KPNA4: variants seen among roughly 807,000 people sequenced by gnomAD.
KPNA4 encodes the protein importin subunit alpha-3.
KPNA4 carries 13 observed loss-of-function variants against 71.3 expected under a neutral mutation model. That is an observed-to-expected ratio of 0.18 (90% confidence interval 0.12 to 0.29). The LOEUF is 0.29. Among genes scored for constraint, KPNA4 ranks in the 10% least tolerant of loss-of-function variants. The pLI is 1.00. For synonymous variants in KPNA4, 189 were observed against 195.2 expected (o/e 0.97, Z 0.26); for missense variants, 334 against 603.2 (o/e 0.55, Z 4.67).
At chr3:160,520,640 C>CT (rs1721327341) in intron 11 of KPNA4, among the ~76,000 whole-genome samples, 1 of 152,074 alleles carries the variant, frequency 6.6e-6, no homozygotes, top group Non-Finnish European at 1.5e-5. Flanking sequence ...GGTCTCTAAT[C>CT]TGACTATGTA....
intron 1 of KPNA4, among the ~76,000 whole-genome samples, chr3:160,554,103 A>G (rs554959450): frequency 6.6e-6 from 1 of 152,352 alleles, no homozygotes; most frequent in East Asian, 1.9e-4. Flanking sequence ...AGTGAAAAAG[A>G]GCTGCTTAGA....
At position 160,515,776 on chromosome 3, in the gene KPNA4, G is replaced by A. The variant is rs377338059; in HGVS notation, c.904-196C>T. Among the ~76,000 whole-genome samples, 341 of 151,984 alleles carry A rather than the reference G, an allele frequency of 2.2e-3. 1 individual carries two copies. Among genetic ancestry groups the A allele is most frequent in the African/African-American group, 7.6e-3 (316 of 41,448 alleles). ...ACTATAGCAGTGCACGACCCTGTCC[G>A]GCTAATTTTTGTATTTTTTGTAGAG... On this transcript the variant is annotated intron_variant, in intron 11 of 16. Transcript: ENST00000334256.
At chr3:160,536,037 A>C (rs1721686550) in intron 2 of KPNA4, 140 bp from the exon 3 acceptor site, 1 of 678,288 alleles carries the variant, frequency 1.5e-6, no homozygotes, top group Non-Finnish European at 2.1e-6. Context: ...TAAAATTCAA[A>C]TGTAAAAAAT....
At chr3:160,537,611 T>C (rs1721715568) in intron 1 of KPNA4, among the ~76,000 whole-genome samples, 1 of 149,178 alleles carries the variant, frequency 6.7e-6, no homozygotes. Flanking sequence ...GTGTATTACG[T>C]AGCGGTAACA....
intron 1 of KPNA4, among the ~76,000 whole-genome samples, chr3:160,553,851 A>G (rs937758618): frequency 6.6e-6 from 1 of 152,234 alleles, no homozygotes; most frequent in Non-Finnish European, 1.5e-5. Flanking sequence ...CTTAAGGTGT[A>G]ATACTCATTG....
chr3:160,563,820 TA>T (rs1345807832), intron 1 of KPNA4, among the ~76,000 whole-genome samples: 3 of 152,054 alleles, frequency 2.0e-5, no homozygotes, highest in African/African-American at 7.2e-5. Context: ...ATCTTTGCAT[TA>T]AAAAAAGGGA....
chr3:160,564,982 G>A (rs1042959015), intron 1 of KPNA4, among the ~76,000 whole-genome samples: 4 of 148,414 alleles, frequency 2.7e-5, no homozygotes, highest in Non-Finnish European at 6.0e-5. Flanking sequence ...CCGCCGGGCA[G>A]GCCTAGGCCG....
chr3:160,513,925 T>G (rs1577048084), intron 13 of KPNA4, 152 bp downstream of exon 13: 4 of 300,130 alleles, frequency 1.3e-5, no homozygotes, highest in Non-Finnish European at 1.1e-5. Flanking sequence ...AATGGCTAGG[T>G]TCAAAAGTCG....
chr3:160,560,393 T>C (rs890767864), intron 1 of KPNA4, among the ~76,000 whole-genome samples: 1 of 152,074 alleles, frequency 6.6e-6, no homozygotes, highest in South Asian at 2.1e-4. Flanking sequence ...TCAGTCATAT[T>C]CCTCTTTTCT....
chr3:160,552,170 A>G (rs1722053360), intron 1 of KPNA4, among the ~76,000 whole-genome samples: 1 of 152,190 alleles, frequency 6.6e-6, no homozygotes, highest in East Asian at 1.9e-4. Context: ...AAAGGAAACA[A>G]TCCAAAAGAC....
chr3:160,547,307 CTAAT>C (rs1009479898), intron 1 of KPNA4, among the ~76,000 whole-genome samples: 5 of 152,128 alleles, frequency 3.3e-5, no homozygotes, highest in African/African-American at 1.2e-4. Flanking sequence ...AACCATTTTC[CTAAT>C]TAATTGCCTG....
Position 160,497,723 on chromosome 3 carries a change from A to T in KPNA4, c.*4381T>A, listed in dbSNP as rs891846316. On this transcript the variant is annotated 3_prime_UTR_variant, in exon 17 of 17. Coordinates refer to ENST00000334256, the MANE Select transcript of KPNA4 (RefSeq NM_002268.5). ...AAATAATCAAGAAGTTACAAAAAGG[A>T]TAAGATACTCAGCTATCTTGGCCTT... The T allele has an allele frequency of 6.6e-6, 1 of 152,200 alleles. No homozygotes were observed. Among genetic ancestry groups the T allele is most frequent in the Non-Finnish European group, 1.5e-5 (1 of 68,034 alleles). The allele number at this position is 152,200 out of a possible 1,614,324, so 9.4% of individuals were successfully genotyped here.
At chr3:160,537,249 G>C (rs1041391022) in intron 1 of KPNA4, among the ~76,000 whole-genome samples, 1 of 149,958 alleles carries the variant, frequency 6.7e-6, no homozygotes, top group Non-Finnish European at 1.5e-5. Context: ...AAAAGCCAAA[G>C]GAGCCCTCCT....
chr3:160,554,806 C>T (rs988698082), intron 1 of KPNA4, among the ~76,000 whole-genome samples: 1 of 152,228 alleles, frequency 6.6e-6, no homozygotes, highest in Non-Finnish European at 1.5e-5. Flanking sequence ...GGTGCCTAGA[C>T]AGCATGGAAA....
intron 11 of KPNA4, among the ~76,000 whole-genome samples, chr3:160,518,966 A>T (rs1008008434): frequency 6.6e-6 from 1 of 152,256 alleles, no homozygotes; most frequent in East Asian, 1.9e-4. Context: ...CCAGTATCAC[A>T]AAATTTTATT....
intron 8 of KPNA4, among the ~76,000 whole-genome samples, chr3:160,527,717 T>C (rs139216168): frequency 1.1e-4 from 17 of 152,298 alleles, no homozygotes; most frequent in African/African-American, 3.8e-4. Context: ...TCTTGCATAA[T>C]TATTCAAATA....
At position 160,508,188 on chromosome 3, in the gene KPNA4, C is replaced by T; in HGVS notation, c.1291G>A (p.Val431Ile). The T allele has an allele frequency of 6.2e-7, 1 of 1,612,258 alleles. No individual in the cohort carries two copies. Among genetic ancestry groups the T allele is most frequent in the African/African-American group, 1.3e-5 (1 of 74,976 alleles). Residue 431 changes from valine (V) to isoleucine (I), a missense_variant, in exon 15 of 17, where the codon GTA becomes ATA. Coordinates refer to ENST00000334256, the MANE Select transcript of KPNA4 (RefSeq NM_002268.5). ...TVKDAQVVQV[V>I]LDGLSNILKM... ...AATATATTACTTAGTCCATCGAGTACTACTTGCACAACTTGTGCATCTTTT... is the reference window on the plus strand; with the variant it reads ...AATATATTACTTAGTCCATCGAGTATTACTTGCACAACTTGTGCATCTTTT...
chr3:160,527,154 T>C (rs570519239), intron 8 of KPNA4, among the ~76,000 whole-genome samples: 11 of 152,314 alleles, frequency 7.2e-5, no homozygotes, highest in South Asian at 2.1e-4. Context: ...CTTCACTAGA[T>C]TAGCAATACC....
chr3:160,562,139 C>A (rs1390503597), intron 1 of KPNA4, among the ~76,000 whole-genome samples: 2 of 152,144 alleles, frequency 1.3e-5, no homozygotes, highest in Non-Finnish European at 2.9e-5. Context: ...TGTACATGGG[C>A]TGTTCCAATA....
Sources: allele counts gnomAD v4.1 joint callset (sites outside exome capture counted in the v4.1 genomes callset), GRCh38; gene constraint gnomAD v4.1.1; transcripts MANE v1.5; gene names NCBI Gene and HGNC (gene_info 2026-07-23, HGNC 2026-07-21).